Variants in INSL6 observed in about 807,000 individuals in gnomAD.
INSL6 encodes insulin like 6.
A neutral mutation model predicts 9.4 loss-of-function variants in INSL6; 16 were observed. The ratio of observed to expected loss-of-function variants is 1.70; its 90% CI spans 1.15 to 2.59. INSL6 has a LOEUF of 2.59. Ranked by LOEUF, INSL6 falls within the 30% of genes most tolerant of loss-of-function variation. The pLI is 0.00. For synonymous variants in INSL6, 154 were observed against 96.9 expected (o/e 1.59, Z -3.46); for missense variants, 391 against 257.3 (o/e 1.52, Z -3.56).
chr9:5,077,559 G>A, the INSL6 span: 1 of 1,486,770 alleles, frequency 6.7e-7, no homozygotes, highest in African/African-American at 1.5e-5. Flanking sequence ...CTAAACAGTT[G>A]GCATGGGCCA....
chr9:5,091,855 G>A, the INSL6 span, among the ~76,000 whole-genome samples: 2 of 152,178 alleles, frequency 1.3e-5, no homozygotes, highest in South Asian at 2.1e-4. Context: ...TGTTAGTTAT[G>A]AAATTAAGCT....
At chr9:5,054,723 G>C in the INSL6 span, 1 of 1,613,322 alleles carries the variant, frequency 6.2e-7, no homozygotes. The surrounding 1 kb of genome is among the most constrained non-coding windows in gnomAD (Gnocchi z 4.9). Flanking sequence ...TATAAATCTG[G>C]AAACTCTGCA....
At chr9:5,125,425 A>G (rs1411530880) in intron 3 of INSL6, among the ~76,000 whole-genome samples, 1 of 151,492 alleles carries the variant, frequency 6.6e-6, no homozygotes, top group Non-Finnish European at 1.5e-5. Context: ...TGTCTGAACA[A>G]TCATTTTCCA....
At chr9:5,179,349 A>G (rs979385182) in intron 1 of INSL6, among the ~76,000 whole-genome samples, 1 of 152,192 alleles carries the variant, frequency 6.6e-6, no homozygotes, top group Non-Finnish European at 1.5e-5. Flanking sequence ...ATTAAAGCTA[A>G]AAAACAACAG....
the INSL6 span, among the ~76,000 whole-genome samples, chr9:5,019,147 C>T: frequency 6.6e-6 from 1 of 152,104 alleles, no homozygotes; most frequent in African/African-American, 2.4e-5. Flanking sequence ...ACCAGGTTTT[C>T]TATTCCTTTT....
the INSL6 span, among the ~76,000 whole-genome samples, chr9:5,034,022 C>G: frequency 6.6e-6 from 1 of 151,978 alleles, no homozygotes; most frequent in Non-Finnish European, 1.5e-5. Flanking sequence ...CACACATAGG[C>G]TCAAAATAAA....
chr9:5,022,152 G>T, the INSL6 span: 2 of 1,614,142 alleles, frequency 1.2e-6, no homozygotes, highest in Admixed American at 3.3e-5. Flanking sequence ...CAGATTATCT[G>T]ACCTTTCCAT....
chr9:5,136,618 T>G (rs1055535844), intron 2 of INSL6, among the ~76,000 whole-genome samples: 3 of 152,154 alleles, frequency 2.0e-5, no homozygotes, highest in African/African-American at 7.2e-5. Flanking sequence ...ATGGAACATA[T>G]CTCAAAATCA....
the INSL6 span, among the ~76,000 whole-genome samples, chr9:5,014,520 A>T: frequency 6.6e-6 from 1 of 152,150 alleles, no homozygotes; most frequent in Non-Finnish European, 1.5e-5. Context: ...AATCTAATCT[A>T]TGGTGGGAAA....
chr9:5,064,859 T>C, the INSL6 span: 1 of 1,497,086 alleles, frequency 6.7e-7, no homozygotes, highest in Non-Finnish European at 8.9e-7. Context: ...AAAGGTGCTA[T>C]TTCTTTTTCT....
the INSL6 span, among the ~76,000 whole-genome samples, chr9:5,057,374 C>T: frequency 6.6e-6 from 1 of 151,828 alleles, no homozygotes; most frequent in Admixed American, 6.6e-5. Context: ...GCATTTATTT[C>T]TCTTTATAAT....
intron 1 of INSL6, among the ~76,000 whole-genome samples, chr9:5,184,187 C>T (rs999940964): frequency 1.3e-5 from 2 of 152,156 alleles, no homozygotes; most frequent in African/African-American, 2.4e-5. Context: ...CTACAATGTG[C>T]ATTGTTTGAC....
At chr9:5,081,083 G>T in the INSL6 span, among the ~76,000 whole-genome samples, 1 of 151,610 alleles carries the variant, frequency 6.6e-6, no homozygotes, top group Non-Finnish European at 1.5e-5. Flanking sequence ...TTTTAGTAGA[G>T]ACGGGGTTTC....
chr9:5,103,280 GA>G, the INSL6 span, among the ~76,000 whole-genome samples: 2 of 82,924 alleles, frequency 2.4e-5, no homozygotes, highest in African/African-American at 5.1e-5. Context: ...CCCGGTCTCT[GA>G]AAAAAAAGAC....
chr9:5,051,475 A>G, the INSL6 span, among the ~76,000 whole-genome samples: 2 of 152,160 alleles, frequency 1.3e-5, no homozygotes, highest in Admixed American at 1.3e-4. Context: ...CTAATCCAAG[A>G]GATTTGGATT....
the INSL6 span, chr9:5,109,018 C>G: frequency 6.6e-6 from 1 of 152,088 alleles, no homozygotes; most frequent in African/African-American, 2.4e-5. Flanking sequence ...TCTCACTAAT[C>G]TTGCCTTACC....
the INSL6 span, chr9:5,096,523 G>A: frequency 4.3e-4 from 66 of 152,270 alleles, 1 homozygote; most frequent in African/African-American, 1.6e-3. Context: ...GGCCGGAGAA[G>A]CCCTGGCAGC....
At chr9:5,100,253 T>C in the INSL6 span, 1 of 152,184 alleles carries the variant, frequency 6.6e-6, no homozygotes, top group Non-Finnish European at 1.5e-5. Context: ...ACCAAACACA[T>C]GCTTGCCATA....
intron 2 of INSL6, among the ~76,000 whole-genome samples, chr9:5,156,007 T>G (rs567201927): frequency 2.6e-5 from 4 of 151,796 alleles, no homozygotes; most frequent in Non-Finnish European, 5.9e-5. Flanking sequence ...ATTATCAAAA[T>G]CAGTAATAAA....
Sources: gnomAD v4.1 joint callset for allele counts (sites outside exome capture counted in the v4.1 genomes callset) on GRCh38, gnomAD v4.1.1 for gene constraint, Gnocchi (gnomAD v3.1) non-coding constraint, MANE v1.5 for transcripts, NCBI Gene and HGNC (gene_info 2026-07-23, HGNC 2026-07-21) for gene names.